Variants in SLC22A9 observed in about 807,000 individuals in gnomAD.
SLC22A9 encodes organic anion transporter 7.
Under a neutral mutation model 50.1 loss-of-function variants are expected in SLC22A9, and 64 were observed. The observed-to-expected ratio is 1.28, with a 90% CI of 1.04 to 1.57. SLC22A9 has a LOEUF of 1.57. SLC22A9 is among the 40% of genes most tolerant of loss of function. The probability of loss-of-function intolerance (pLI) is 0.00; values close to 1 mark genes in which losing one functional copy is unlikely to be tolerated. For missense variants in SLC22A9, 757 were observed against 676.1 expected, an observed-to-expected ratio of 1.12 and a Z score of -1.33; for synonymous variants, 261 against 242.5, an observed-to-expected ratio of 1.08 and a Z score of -0.71.
chr11:63,396,809 C>T (rs573006495), intron 6 of SLC22A9, among the ~76,000 whole-genome samples: 98 of 152,168 alleles, frequency 6.4e-4, no homozygotes, highest in African/African-American at 2.3e-3. Context: ...TCAAAAGAGC[C>T]ATTCTGAATT....
intron 9 of SLC22A9, 85 bp downstream of exon 9, chr11:63,408,964 T>A: frequency 2.1e-6 from 3 of 1,406,600 alleles, no homozygotes; most frequent in Non-Finnish European, 3.0e-6. Context: ...TTAGGGCCAC[T>A]GTCCTCTCAA....
intron 6 of SLC22A9, among the ~76,000 whole-genome samples, chr11:63,402,356 A>G (rs1415514636): frequency 5.9e-5 from 9 of 152,106 alleles, no homozygotes; most frequent in Admixed American, 5.9e-4. Context: ...AGCACTATCT[A>G]TTGAATAGGG....
chr11:63,406,407 T>C, intron 6 of SLC22A9, 90 bp from the exon 7 acceptor site: 1 of 1,160,746 alleles, frequency 8.6e-7, no homozygotes, highest in East Asian at 2.4e-5. Flanking sequence ...ACTTTAACAA[T>C]CCCTAGCTGC....
At chr11:63,407,727 C>T (rs768393640) in intron 7 of SLC22A9, among the ~76,000 whole-genome samples, 1 of 152,096 alleles carries the variant, frequency 6.6e-6, no homozygotes. Context: ...GCCAGGAGAA[C>T]ATGGATGGGT....
intron 1 of SLC22A9, 143 bp downstream of exon 1, chr11:63,370,601 A>G: frequency 2.1e-6 from 2 of 963,056 alleles, no homozygotes; most frequent in South Asian, 4.6e-5. Flanking sequence ...TCTTTATTAA[A>G]TGTCTGACAC....
At chr11:63,374,087 C>A in intron 4 of SLC22A9, 25 bp downstream of exon 4, 2 of 1,581,070 alleles carry the variant, frequency 1.3e-6, no homozygotes, top group South Asian at 1.2e-5. Context: ...CTTCTTTTGT[C>A]TTAATGAGAT....
chr11:63,382,092 C>G (rs2014573097), intron 5 of SLC22A9, 67 bp from the exon 6 acceptor site: 15 of 1,145,826 alleles, frequency 1.3e-5, no homozygotes, highest in Non-Finnish European at 1.9e-5. Context: ...GTGGGTTGAC[C>G]AGTGCGCCTA....
In SLC22A9 at chr11:63,370,065, T is replaced by G; in HGVS notation, c.9T>G (p.Phe3Leu). 1 of 1,611,014 alleles carries G rather than the reference T, an allele frequency of 6.2e-7. No homozygotes were observed. Among genetic ancestry groups the G allele is most frequent in the Non-Finnish European group, 8.5e-7 (1 of 1,178,324 alleles). ...TCAACTGTTCAACCTCAATGGCCTT[T>G]CAGGACCTCCTGGGTCACGCTGGTG... MA[F>L]QDLLGHAGDL... is the part of the protein sequence containing the mutation. Residue 3 changes from phenylalanine (F) to leucine (L), a missense_variant, in exon 1 of 10, where the codon TTT (phenylalanine) becomes TTG (leucine). Coordinates refer to ENST00000279178, the MANE Select transcript of SLC22A9 (RefSeq NM_080866.3).
Position 63,374,010 on chromosome 11 carries a change from A to G in SLC22A9, c.778A>G (p.Ile260Val), listed in dbSNP as rs1273421651. ...GLAFAIRDWH[I>V]LQLVVSVPYF... Reference sequence around the variant, plus strand: ...GGCTTTTGCCATTCGAGACTGGCATATCCTCCAGCTGGTGGTGTCTGTACC... The same window carrying G: ...GGCTTTTGCCATTCGAGACTGGCATGTCCTCCAGCTGGTGGTGTCTGTACC... The change falls in exon 4 of 10, where the codon ATC becomes GTC. Residue 260 changes from isoleucine to valine, a missense_variant. Physicochemically the swap from Ile to Val is conservative, Grantham distance 29. Transcript: ENST00000279178. 6.2e-7 allele frequency: 1 copy of G among 1,613,422 alleles called. No homozygotes were observed. The highest frequency in any genetic ancestry group is 2.2e-5 in the East Asian group (1 of 44,872).
Position 63,375,851 on chromosome 11 carries a change from T to TA in SLC22A9, c.954+90dup, listed in dbSNP as rs142208858. 2,389 of 1,520,886 alleles carry TA rather than the reference T, an allele frequency of 1.6e-3. 32 individuals are homozygous for TA. In the African/African-American group the frequency reaches 0.027, roughly 17 times the overall value. 94.2% of individuals were successfully genotyped at this position (1,520,886 alleles called of 1,614,324 possible). On this transcript the variant is annotated intron_variant, in intron 5 of 9. Coordinates refer to ENST00000279178, the MANE Select transcript of SLC22A9 (RefSeq NM_080866.3). The stretch of plus-strand genomic sequence containing the variant: ...CTTAGCAGTAGCAGTGTCCATAAGG[T>TA]AAAAAAAGGAAAGAAACACAGGTAT...
chr11:63,374,505 A>G (rs2014426104), intron 4 of SLC22A9, among the ~76,000 whole-genome samples: 1 of 152,188 alleles, frequency 6.6e-6, no homozygotes, highest in Non-Finnish European at 1.5e-5. Flanking sequence ...TTCCTGCTTA[A>G]TAGAAATTCA....
At chr11:63,396,969 G>A (rs1051398104) in intron 6 of SLC22A9, among the ~76,000 whole-genome samples, 1 of 152,104 alleles carries the variant, frequency 6.6e-6, no homozygotes, top group Admixed American at 6.5e-5. Flanking sequence ...GGTATTTATT[G>A]TAGTCTTCAC....
chr11:63,374,033 A>G lies in SLC22A9; in HGVS notation c.801A>G (p.Val267=). 6.2e-7 allele frequency: 1 copy of G among 1,611,950 alleles called. No individual in the cohort carries two copies. ...ATATCCTCCAGCTGGTGGTGTCTGT[A>G]CCATACTTTGTGATCTTTCTGACCT... The part of the protein sequence containing the change: ...DWHILQLVVS[V]PYFVIFLTSS... Residue 267 remains valine (V), a synonymous_variant, in exon 4 of 10, where the codon GTA becomes GTG. Transcript: ENST00000279178.
intron 6 of SLC22A9, among the ~76,000 whole-genome samples, chr11:63,392,593 T>C (rs547749442): frequency 1.3e-5 from 2 of 152,138 alleles, no homozygotes; most frequent in South Asian, 4.1e-4. Flanking sequence ...TGTTACCAGA[T>C]GTATAGGAGC....
intron 6 of SLC22A9, among the ~76,000 whole-genome samples, chr11:63,386,843 G>A (rs2014678330): frequency 7.5e-6 from 1 of 134,200 alleles, no homozygotes; most frequent in Admixed American, 6.9e-5. Flanking sequence ...TTTTTGTTTT[G>A]TTTTGTTTTT....
At chr11:63,395,859 T>C (rs78412710) in intron 6 of SLC22A9, among the ~76,000 whole-genome samples, 1 of 152,142 alleles carries the variant, frequency 6.6e-6, no homozygotes, top group Admixed American at 6.5e-5. Context: ...GCTCAGACTC[T>C]CCTTGGGTGG....
chr11:63,407,974 C>A, intron 7 of SLC22A9, 138 bp from the exon 8 acceptor site: 1 of 606,428 alleles, frequency 1.6e-6, no homozygotes. Flanking sequence ...ACTGCACATT[C>A]TTTGCCTCTA....
intron 6 of SLC22A9, among the ~76,000 whole-genome samples, chr11:63,385,114 T>TTTTTGTTGTTGTTGTTG (rs2014640774): frequency 1.4e-5 from 2 of 139,384 alleles, no homozygotes; most frequent in African/African-American, 5.0e-5. Context: ...CAGTTTTTTT[T>TTTTTGTTGTTGTTGTTG]TTTTTTTTTT....
chr11:63,410,182 C>A lies in SLC22A9; in HGVS notation c.*320C>A. On this transcript the variant is annotated 3_prime_UTR_variant, in exon 10 of 10. Transcript: ENST00000279178. ...ACTTGAACCCAGGAGGTGGAAATTG[C>A]AATGAGCCAAGATTGGGCCACTGCA... The A allele has an allele frequency of 6.9e-6, 1 of 144,382 alleles. No homozygotes were observed. The highest frequency in any genetic ancestry group is 1.4e-5 in the Non-Finnish European group (1 of 73,318). The allele number at this position is 144,382 out of a possible 1,614,324, so 8.9% of individuals were successfully genotyped here. A position where few individuals can be genotyped will look rare whatever the true frequency, so the allele number is the denominator to read the frequency against.
Sources: allele counts gnomAD v4.1 joint callset (sites outside exome capture counted in the v4.1 genomes callset), GRCh38; gene constraint gnomAD v4.1.1; transcripts MANE v1.5; gene names NCBI Gene and HGNC (gene_info 2026-07-23, HGNC 2026-07-21).